Variants in FCHO2 observed in about 807,000 individuals in gnomAD.
FCHO2 encodes the protein FCH and mu domain containing endocytic adaptor 2.
Under a neutral mutation model 114.1 loss-of-function variants are expected in FCHO2, and 43 were observed. The observed-to-expected ratio is 0.38, with a 90% CI of 0.30 to 0.49. The LOEUF (loss-of-function observed/expected upper bound fraction) is 0.49. Ranked by LOEUF, FCHO2 falls within the 20% of genes least tolerant of loss-of-function variation. The pLI is 0.97. For missense variants in FCHO2, 807 were observed against 950.4 expected (o/e 0.85, Z 1.98); for synonymous variants, 293 against 315.2 (o/e 0.93, Z 0.75).
intron 8 of FCHO2, among the ~76,000 whole-genome samples, chr5:73,033,396 G>A (rs1303483781): frequency 6.6e-6 from 1 of 152,042 alleles, no homozygotes; most frequent in Non-Finnish European, 1.5e-5. Context: ...TTTAGGGGGA[G>A]GGAGAGGGAC....
chr5:73,078,704 A>G (rs951816655), intron 22 of FCHO2, among the ~76,000 whole-genome samples: 14 of 152,354 alleles, frequency 9.2e-5, no homozygotes, highest in African/African-American at 3.1e-4. Flanking sequence ...CAAAATAAGC[A>G]TTAATAAATA....
rs544851561 is a variant in FCHO2 at position 72,971,197 on chromosome 5, G to C, written c.125+2608G>C. Among the ~76,000 whole-genome samples, 14 of 152,110 alleles carry C rather than the reference G, an allele frequency of 9.2e-5. No homozygotes were observed. In the South Asian group the frequency reaches 1.9e-3, roughly 20 times the overall value. On this transcript the variant is annotated intron_variant, in intron 2 of 25. Coordinates refer to ENST00000430046, the MANE Select transcript of FCHO2 (RefSeq NM_138782.3). The stretch of plus-strand genomic sequence containing the variant: ...TGTCTTTATAGCAGCATGATTTATA[G>C]TCCTTTGGGTATATACCCAGTAATG...
intron 2 of FCHO2, among the ~76,000 whole-genome samples, chr5:72,975,082 C>T (rs1225647872): frequency 1.3e-5 from 2 of 152,136 alleles, no homozygotes; most frequent in Non-Finnish European, 2.9e-5. Context: ...CTAAGGATGC[C>T]TTTCCTAATC....
chr5:72,978,110 A>G (rs1021805593), intron 2 of FCHO2, among the ~76,000 whole-genome samples: 3 of 152,310 alleles, frequency 2.0e-5, no homozygotes, highest in Admixed American at 6.5e-5. Context: ...TTGGTTCCAT[A>G]TGAAATTCAA....
intron 11 of FCHO2, among the ~76,000 whole-genome samples, chr5:73,049,950 A>G (rs1442632436): frequency 6.6e-6 from 1 of 152,128 alleles, no homozygotes; most frequent in East Asian, 1.9e-4. Flanking sequence ...GGGTCTCATC[A>G]GTCAGCCCCA....
At chr5:73,052,218 C>G in intron 12 of FCHO2, 114 bp from the exon 13 acceptor site, 1 of 1,094,240 alleles carries the variant, frequency 9.1e-7, no homozygotes, top group Non-Finnish European at 1.3e-6. Context: ...CCGTCGCACC[C>G]GGCCCAAAGT....
chr5:73,027,022 T>TG (rs112476313), intron 8 of FCHO2, among the ~76,000 whole-genome samples: 40,725 of 143,880 alleles, frequency 0.28, 5,955 homozygotes, highest in East Asian at 0.43. Flanking sequence ...TTGTTTGTTT[T>TG]TTTTTTTTTT....
intron 2 of FCHO2, among the ~76,000 whole-genome samples, chr5:72,974,977 G>A (rs1580019684): frequency 6.6e-6 from 1 of 152,088 alleles, no homozygotes; most frequent in African/African-American, 2.4e-5. Flanking sequence ...TAGTTTGACT[G>A]GATATGAAAT....
chr5:72,979,948 A>G (rs1753111019), intron 2 of FCHO2, among the ~76,000 whole-genome samples: 1 of 151,794 alleles, frequency 6.6e-6, no homozygotes, highest in Non-Finnish European at 1.5e-5. Context: ...TATCTCCTTC[A>G]GTTCTGCTCT....
intron 1 of FCHO2, among the ~76,000 whole-genome samples, chr5:72,959,779 CTTT>C (rs972805765): frequency 6.9e-6 from 1 of 145,106 alleles, no homozygotes. Context: ...TCTCTTCTTT[CTTT>C]TTTTTTTTTT....
chr5:73,028,777 A>C (rs1756077621), intron 8 of FCHO2, among the ~76,000 whole-genome samples: 2 of 151,234 alleles, frequency 1.3e-5, no homozygotes, highest in South Asian at 4.2e-4. Flanking sequence ...CAGCCTCCCA[A>C]GCAGCTAGAA....
chr5:72,993,694 G>A (rs10462470), intron 5 of FCHO2, among the ~76,000 whole-genome samples: 20,007 of 152,162 alleles, frequency 0.13, 1,547 homozygotes, highest in East Asian at 0.35. Flanking sequence ...TGATTGGACA[G>A]CTACAATGCT....
intron 16 of FCHO2, among the ~76,000 whole-genome samples, chr5:73,057,774 AT>A (rs1286418755): frequency 6.6e-6 from 1 of 152,086 alleles, no homozygotes; most frequent in Non-Finnish European, 1.5e-5. Flanking sequence ...TGGGCAGTTC[AT>A]TTAGACGTGT....
chr5:73,081,651 C>T, intron 22 of FCHO2, 132 bp from the exon 23 acceptor site: 2 of 568,298 alleles, frequency 3.5e-6, no homozygotes, highest in African/African-American at 1.9e-5. Flanking sequence ...GTCTGCTTCA[C>T]TCTGCCAACA....
chr5:72,978,205 G>A (rs1360099403), intron 2 of FCHO2, among the ~76,000 whole-genome samples: 1 of 152,092 alleles, frequency 6.6e-6, no homozygotes, highest in Non-Finnish European at 1.5e-5. Flanking sequence ...TGGGCAGTAT[G>A]GCCATTTTCA....
At chr5:73,059,452 A>G (rs549153137) in intron 17 of FCHO2, among the ~76,000 whole-genome samples, 1 of 152,276 alleles carries the variant, frequency 6.6e-6, no homozygotes, top group East Asian at 1.9e-4. Context: ...TGATGAAGAC[A>G]GGTTTCAAAC....
intron 5 of FCHO2, 112 bp downstream of exon 5, chr5:72,990,976 T>G (rs1753779573): frequency 1.6e-6 from 2 of 1,232,096 alleles, no homozygotes; most frequent in Admixed American, 5.5e-5. Context: ...ATGAAGACAC[T>G]GTGCCTTACA....
At chr5:72,983,657 G>A (rs988104515) in intron 2 of FCHO2, among the ~76,000 whole-genome samples, 4 of 150,014 alleles carry the variant, frequency 2.7e-5, no homozygotes, top group Non-Finnish European at 5.9e-5. Context: ...CCAAAGTGCC[G>A]GGATTTTACA....
intron 6 of FCHO2, 38 bp from the exon 7 acceptor site, chr5:73,015,588 A>G (rs768968120): frequency 9.3e-6 from 11 of 1,189,034 alleles, no homozygotes; most frequent in Admixed American, 4.6e-5. Flanking sequence ...ATGTACCTGT[A>G]TATGTTATAA....
Sources: gnomAD v4.1 joint callset for allele counts (sites outside exome capture counted in the v4.1 genomes callset) on GRCh38, gnomAD v4.1.1 for gene constraint, MANE v1.5 for transcripts, NCBI Gene and HGNC (gene_info 2026-07-23, HGNC 2026-07-21) for gene names.